The following AGTPBP1 variants were observed in gnomAD, a reference collection of about 807,000 sequenced individuals.
AGTPBP1 encodes ATP/GTP binding carboxypeptidase 1, also known as cytosolic carboxypeptidase 1.
In AGTPBP1, 70 loss-of-function variants were observed where a neutral mutation model predicts 143.9. That is an observed-to-expected ratio of 0.49 (90% CI 0.40 to 0.59). The LOEUF is 0.59. Among genes scored for constraint, AGTPBP1 ranks in the 20% least tolerant of loss-of-function variants. The pLI is 0.00. For synonymous variants in AGTPBP1, 463 were observed against 500.2 expected (o/e 0.93, Z 0.99); for missense variants, 1,229 against 1,464.5 (o/e 0.84, Z 2.62).
chr9:85,567,147 C>T (rs1468963832), intron 25 of AGTPBP1, among the ~76,000 whole-genome samples: 1 of 152,110 alleles, frequency 6.6e-6, no homozygotes, highest in Non-Finnish European at 1.5e-5. Context: ...GTGGGGGACT[C>T]TACTTAAAAT....
intron 2 of AGTPBP1, among the ~76,000 whole-genome samples, chr9:85,696,001 C>T (rs1836213855): frequency 6.6e-6 from 1 of 152,100 alleles, no homozygotes; most frequent in African/African-American, 2.4e-5. Context: ...GCCATTACAC[C>T]CAGCTAATTT....
At chr9:85,605,152 C>T (rs916551999) in intron 17 of AGTPBP1, among the ~76,000 whole-genome samples, 8 of 152,068 alleles carry the variant, frequency 5.3e-5, no homozygotes, top group Admixed American at 1.3e-4. Flanking sequence ...TAGAACACCA[C>T]GCAGATTTAA....
Position 85,741,920 on chromosome 9 carries a change from C to T in AGTPBP1, c.-179G>A, listed in dbSNP as rs1402044395. On this transcript the variant is annotated 5_prime_UTR_variant, in exon 1 of 26. Coordinates refer to ENST00000357081, the MANE Select transcript of AGTPBP1 (RefSeq NM_001330701.2). Reference sequence around the variant, plus strand: ...GGCGAGGCGGAGGCGGCGGCGGCGGCAGCTGCGGCGGCGGCGCTGGAGGCG... The same window carrying T: ...GGCGAGGCGGAGGCGGCGGCGGCGGTAGCTGCGGCGGCGGCGCTGGAGGCG... 8 of 1,320,418 alleles carry T rather than the reference C, an allele frequency of 6.1e-6. No homozygotes were observed. Among genetic ancestry groups the T allele is most frequent in the East Asian group, 3.1e-5 (1 of 31,934 alleles). The allele number at this position is 1,320,418 out of a possible 1,614,324, so 81.8% of individuals were successfully genotyped here.
chr9:85,592,827 T>A, intron 18 of AGTPBP1, 123 bp from the exon 19 acceptor site: 1 of 1,125,208 alleles, frequency 8.9e-7, no homozygotes, highest in Non-Finnish European at 1.3e-6. Flanking sequence ...AAGTGTAACT[T>A]AAATACCCTA....
chr9:85,661,456 T>C (rs1833852037), intron 8 of AGTPBP1, among the ~76,000 whole-genome samples: 1 of 152,122 alleles, frequency 6.6e-6, no homozygotes, highest in Non-Finnish European at 1.5e-5. Context: ...TATCCTCCTA[T>C]TTAAGGCCAT....
chr9:85,694,973 T>G (rs977598124), intron 2 of AGTPBP1, among the ~76,000 whole-genome samples: 1 of 152,026 alleles, frequency 6.6e-6, no homozygotes, highest in East Asian at 1.9e-4. Flanking sequence ...TCTCAAAACA[T>G]CTCAAATCCA....
intron 1 of AGTPBP1, among the ~76,000 whole-genome samples, chr9:85,725,179 T>A (rs918111104): frequency 6.6e-6 from 1 of 152,182 alleles, no homozygotes; most frequent in Non-Finnish European, 1.5e-5. Flanking sequence ...CACAGACATG[T>A]TCAGTTTTTC....
At chr9:85,730,676 A>T (rs778872283) in intron 1 of AGTPBP1, among the ~76,000 whole-genome samples, 18 of 152,294 alleles carry the variant, frequency 1.2e-4, no homozygotes, top group Middle Eastern at 3.4e-3. Flanking sequence ...GCCCTTTGAC[A>T]TAGCCTTGAA....
intron 25 of AGTPBP1, among the ~76,000 whole-genome samples, chr9:85,558,970 C>G (rs573338519): frequency 6.6e-6 from 1 of 152,278 alleles, no homozygotes; most frequent in Admixed American, 6.5e-5. Flanking sequence ...ATCCACAGAC[C>G]TGATATCCTG....
intron 25 of AGTPBP1, among the ~76,000 whole-genome samples, chr9:85,554,530 C>G (rs1201187279): frequency 6.6e-6 from 1 of 152,142 alleles, no homozygotes; most frequent in Non-Finnish European, 1.5e-5. Flanking sequence ...GAGGCGTGAA[C>G]CAAGAGTTCA....
rs536158857 is a variant in AGTPBP1 at position 85,587,504 on chromosome 9, A to G, written c.2904-544T>C. ...AAGCAGATAATCATAAAGTGATGAT[A>G]AATATAAATAGAATTCTAACTGGTC... On this transcript the variant is annotated intron_variant, in intron 21 of 25. Coordinates refer to ENST00000357081, the MANE Select transcript of AGTPBP1 (RefSeq NM_001330701.2). Among the ~76,000 whole-genome samples, 5 of 152,340 alleles carry G rather than the reference A, an allele frequency of 3.3e-5. No homozygotes were observed. The East Asian group carries it at 9.6e-4, about 29-fold the overall frequency.
intron 2 of AGTPBP1, among the ~76,000 whole-genome samples, chr9:85,705,446 G>A (rs1836923437): frequency 6.6e-6 from 1 of 152,048 alleles, no homozygotes; most frequent in Admixed American, 6.6e-5. Context: ...GGAAGCTGAG[G>A]CAAGAGGGCA....
At chr9:85,787,618 C>G in the AGTPBP1 span, among the ~76,000 whole-genome samples, 2 of 152,080 alleles carry the variant, frequency 1.3e-5, no homozygotes, top group African/African-American at 4.8e-5. Flanking sequence ...AAGAACTAAA[C>G]AGTTTGCACA....
Position 85,578,944 on chromosome 9 carries a change from A to G in AGTPBP1, c.3318T>C (p.Cys1106=). The G allele has an allele frequency of 1.9e-6, 3 of 1,613,442 alleles. No individual in the cohort carries two copies. Among genetic ancestry groups the G allele is most frequent in the Non-Finnish European group, 2.5e-6 (3 of 1,179,762 alleles). Residue 1106 remains cysteine (C), a synonymous_variant, in exon 24 of 26, where the codon TGT becomes TGC. Coordinates refer to ENST00000357081, the MANE Select transcript of AGTPBP1 (RefSeq NM_001330701.2). ...QRSYTMESTL[C]GCDQGKYKGL... ...CCTTGTATTTTCCCTGATCACAGCC[A>G]CATAAAGTACTCTCCATGGTATAAC...
chr9:85,646,402 A>G lies in AGTPBP1; in HGVS notation c.1104T>C (p.Asp368=). ...SLPPEVDDVV[D]ESDDNDDIDV... ...CAATATCATCGTTGTCATCACTTTC[A>G]TCTACTACGTCATCCACTATGATAC... Residue 368 remains aspartate (D), a synonymous_variant, in exon 12 of 26, where the codon GAT becomes GAC. Coordinates refer to ENST00000357081, the MANE Select transcript of AGTPBP1 (RefSeq NM_001330701.2). 2 of 1,612,870 alleles carry G rather than the reference A, an allele frequency of 1.2e-6. No homozygotes were observed. The highest frequency in any genetic ancestry group is 2.2e-5 in the East Asian group (1 of 44,770).
At chr9:85,646,060 T>C (rs1228678332) in intron 12 of AGTPBP1, among the ~76,000 whole-genome samples, 1 of 152,152 alleles carries the variant, frequency 6.6e-6, no homozygotes, top group African/African-American at 2.4e-5. Flanking sequence ...TTCAATTTTG[T>C]AGATTTCAAA....
chr9:85,724,286 CA>C (rs56269636), intron 1 of AGTPBP1, among the ~76,000 whole-genome samples: 16,736 of 77,794 alleles, frequency 0.22, 1,269 homozygotes, highest in East Asian at 0.52. Context: ...GACTTTGTCT[CA>C]AAAAAAAAAA....
intron 1 of AGTPBP1, among the ~76,000 whole-genome samples, chr9:85,726,660 G>C (rs796336201): frequency 6.6e-6 from 1 of 152,218 alleles, no homozygotes; most frequent in Non-Finnish European, 1.5e-5. Flanking sequence ...TGTGTTGTCT[G>C]TGGAAAACAA....
chr9:85,631,667 T>A (rs532755178), intron 14 of AGTPBP1, among the ~76,000 whole-genome samples: 9 of 152,072 alleles, frequency 5.9e-5, no homozygotes, highest in Non-Finnish European at 1.3e-4. Context: ...TAAAAAAAAA[T>A]AAGATGCAGT....
Sources: gnomAD v4.1 joint callset for allele counts (sites outside exome capture counted in the v4.1 genomes callset) on GRCh38, gnomAD v4.1.1 for gene constraint, MANE v1.5 for transcripts, NCBI Gene and HGNC (gene_info 2026-07-23, HGNC 2026-07-21) for gene names.